SLC25A21: variants seen among roughly 807,000 people sequenced by gnomAD.
The protein encoded by SLC25A21 is solute carrier family 25 member 21, also known as mitochondrial 2-oxodicarboxylate carrier.
In SLC25A21, 47 loss-of-function variants were observed where a neutral mutation model predicts 43.8. That is an observed-to-expected ratio of 1.07 (90% CI 0.85 to 1.37). The LOEUF (loss-of-function observed/expected upper bound fraction) is 1.37, where lower values mean the gene tolerates loss of function less well. Ranked by LOEUF, SLC25A21 falls within the 40% of genes most tolerant of loss-of-function variation. The probability of loss-of-function intolerance (pLI) is 0.00; values close to 1 mark genes in which losing one functional copy is unlikely to be tolerated. For synonymous variants in SLC25A21, 131 were observed against 121.3 expected, an observed-to-expected ratio of 1.08 and a Z score of -0.52; for missense variants, 352 against 350.2, an observed-to-expected ratio of 1.00 and a Z score of -0.04.
chr14:36,945,942 CCATT>C (rs200196489), intron 1 of SLC25A21, among the ~76,000 whole-genome samples: 3,317 of 152,226 alleles, frequency 0.022, 114 homozygotes, highest in Admixed American at 0.1. Flanking sequence ...AAAAATTTCA[CCATT>C]CAAAGTCCAA....
intron 2 of SLC25A21, among the ~76,000 whole-genome samples, chr14:36,836,548 T>C (rs1889215725): frequency 6.6e-6 from 1 of 152,196 alleles, no homozygotes; most frequent in African/African-American, 2.4e-5. Flanking sequence ...ATAGCTAACA[T>C]GGAAGCATTA....
intron 3 of SLC25A21, among the ~76,000 whole-genome samples, chr14:36,755,986 C>A (rs566452012): frequency 1.3e-5 from 2 of 152,322 alleles, no homozygotes; most frequent in Admixed American, 1.3e-4. Context: ...ATGGTCCTGG[C>A]AGCTATGGCT....
chr14:36,964,697 T>C (rs1959573632), intron 1 of SLC25A21, among the ~76,000 whole-genome samples: 1 of 152,276 alleles, frequency 6.6e-6, no homozygotes, highest in South Asian at 2.1e-4. Context: ...ACTATAAATA[T>C]AAGTAGAATC....
chr14:36,907,155 A>G (rs1891557340), intron 1 of SLC25A21, among the ~76,000 whole-genome samples: 1 of 152,186 alleles, frequency 6.6e-6, no homozygotes, highest in African/African-American at 2.4e-5. Context: ...CAAAATCAAT[A>G]AGGACCTACC....
chr14:37,135,208 G>A (rs1963459100), intron 1 of SLC25A21, among the ~76,000 whole-genome samples: 1 of 149,868 alleles, frequency 6.7e-6, no homozygotes, highest in Non-Finnish European at 1.5e-5. Flanking sequence ...GATTTCAGGC[G>A]TAAGCCACCA....
intron 4 of SLC25A21, among the ~76,000 whole-genome samples, chr14:36,732,685 T>C (rs919388338): frequency 2.0e-5 from 3 of 152,170 alleles, no homozygotes; most frequent in Admixed American, 6.5e-5. Context: ...ATATTTTTTT[T>C]CTTTGATGAC....
intron 1 of SLC25A21, among the ~76,000 whole-genome samples, chr14:36,923,228 T>A (rs1410045138): frequency 6.6e-6 from 1 of 152,170 alleles, no homozygotes; most frequent in Non-Finnish European, 1.5e-5. Flanking sequence ...ATCCACGCAT[T>A]ATGAACAGAA....
At chr14:37,074,228 T>C (rs768371826) in intron 1 of SLC25A21, among the ~76,000 whole-genome samples, 1 of 152,076 alleles carries the variant, frequency 6.6e-6, no homozygotes, top group Non-Finnish European at 1.5e-5. Flanking sequence ...AAAACCTCTG[T>C]TTTTATACAA....
intron 1 of SLC25A21, among the ~76,000 whole-genome samples, chr14:37,068,233 G>T (rs1164650915): frequency 6.6e-6 from 1 of 152,190 alleles, no homozygotes; most frequent in Non-Finnish European, 1.5e-5. Context: ...CATGGTAAAT[G>T]GAACAGAAGA....
Position 36,725,669 on chromosome 14 carries a change from G to A in SLC25A21, c.339C>T (p.Ala113=), listed in dbSNP as rs1415276083. The change falls in exon 6 of 10, where the codon GCC becomes GCT. Residue 113 remains alanine (A), a synonymous_variant. Coordinates refer to ENST00000331299, the MANE Select transcript of SLC25A21 (RefSeq NM_030631.4). ...TTAGTCCAGATCCCAATCCAGCAAT[G>A]GCGAATGTCTAGAAAAATTAAATCA... ...YVSLSPALTF[A]IAGLGSGLTE... is the part of the protein sequence containing the mutation. The A allele has an allele frequency of 1.3e-6, 2 of 1,594,426 alleles. No individual in the cohort carries two copies. Among genetic ancestry groups the A allele is most frequent in the African/African-American group, 1.3e-5 (1 of 74,142 alleles).
chr14:36,953,249 C>A (rs980804839), intron 1 of SLC25A21, among the ~76,000 whole-genome samples: 2 of 152,178 alleles, frequency 1.3e-5, no homozygotes, highest in Non-Finnish European at 2.9e-5. Context: ...TATTTTTGGG[C>A]TGCTTTGTGT....
At chr14:36,798,921 A>C (rs1887770637) in intron 3 of SLC25A21, among the ~76,000 whole-genome samples, 1 of 151,862 alleles carries the variant, frequency 6.6e-6, no homozygotes, top group South Asian at 2.1e-4. Context: ...AGAGAGACAG[A>C]GAGAGAGAGA....
intron 1 of SLC25A21, among the ~76,000 whole-genome samples, chr14:36,880,685 C>A (rs1197659440): frequency 6.6e-6 from 1 of 152,174 alleles, no homozygotes; most frequent in East Asian, 1.9e-4. Flanking sequence ...ATTTATTCTG[C>A]ATTTAATTCA....
chr14:36,710,541 C>T (rs10147713), intron 7 of SLC25A21, among the ~76,000 whole-genome samples: 15,442 of 152,050 alleles, frequency 0.1, 1,263 homozygotes, highest in East Asian at 0.48. Context: ...AGCGCTCCTC[C>T]CACCTCAGCC....
intron 3 of SLC25A21, among the ~76,000 whole-genome samples, chr14:36,782,072 G>T (rs926206015): frequency 6.6e-6 from 1 of 152,152 alleles, no homozygotes; most frequent in Non-Finnish European, 1.5e-5. Context: ...CCCCTGGCCT[G>T]CAAGGTTTCT....
At chr14:36,766,412 T>G (rs1886417516) in intron 3 of SLC25A21, among the ~76,000 whole-genome samples, 1 of 152,198 alleles carries the variant, frequency 6.6e-6, no homozygotes, top group Non-Finnish European at 1.5e-5. Flanking sequence ...CACATTCCCG[T>G]CAGACTGAAG....
chr14:36,727,667 G>A (rs983107481), intron 5 of SLC25A21, among the ~76,000 whole-genome samples: 3 of 151,196 alleles, frequency 2.0e-5, no homozygotes, highest in Non-Finnish European at 2.9e-5. Flanking sequence ...CAGCCTGGGC[G>A]ACAGATTGAG....
chr14:37,082,410 A>G (rs1337236279), intron 1 of SLC25A21, among the ~76,000 whole-genome samples: 2 of 152,206 alleles, frequency 1.3e-5, no homozygotes, highest in Non-Finnish European at 2.9e-5. Flanking sequence ...GAAATTTTTT[A>G]AAAACCTAAA....
At chr14:36,789,601 T>A (rs1887372165) in intron 3 of SLC25A21, among the ~76,000 whole-genome samples, 1 of 148,738 alleles carries the variant, frequency 6.7e-6, no homozygotes, top group African/African-American at 2.5e-5. Flanking sequence ...AATAAAATGT[T>A]TAAGAAAAAT....
Sources: allele counts gnomAD v4.1 joint callset (sites outside exome capture counted in the v4.1 genomes callset), GRCh38; gene constraint gnomAD v4.1.1; transcripts MANE v1.5; gene names NCBI Gene and HGNC (gene_info 2026-07-23, HGNC 2026-07-21).